The following HAUS6 variants were observed in gnomAD, a reference collection of about 807,000 sequenced individuals.
The protein encoded by HAUS6 is HAUS augmin-like complex subunit 6.
HAUS6 carries 80 observed loss-of-function variants against 106.8 expected under a neutral mutation model. The observed-to-expected ratio is 0.75, with a 90% CI of 0.63 to 0.90. The LOEUF (loss-of-function observed/expected upper bound fraction) is 0.90, where lower values mean the gene tolerates loss of function less well. HAUS6 is among the 40% of genes least tolerant of loss of function. The pLI is 0.00. For missense variants in HAUS6, 1,155 were observed against 1,118.1 expected (o/e 1.03, Z -0.47); for synonymous variants, 356 against 379.1 (o/e 0.94, Z 0.71).
At chr9:19,089,758 TTAAC>T in intron 4 of HAUS6, 199 bp from the exon 5 acceptor site, 1 of 542,120 alleles carries the variant, frequency 1.8e-6, no homozygotes, top group Non-Finnish European at 3.2e-6. Context: ...AGAAATTAAA[TTAAC>T]ATCACGTAAC....
At chr9:19,095,235 T>G (rs72696485) in intron 2 of HAUS6, among the ~76,000 whole-genome samples, 1 of 152,014 alleles carries the variant, frequency 6.6e-6, no homozygotes, top group African/African-American at 2.4e-5. Flanking sequence ...TGGTCAAAAA[T>G]ATTAGGGTTT....
rs1837319617 is a variant in HAUS6, at chr9:19,087,212, G to A, written c.585-56C>T. Reference sequence around the variant, plus strand: ...AATACCATTACGATTAATTAGTATAGCCCACTTCTCTATTTTCCCTTTGCA... The same window carrying A: ...AATACCATTACGATTAATTAGTATAACCCACTTCTCTATTTTCCCTTTGCA... On this transcript the variant is annotated intron_variant, in intron 5 of 16. Coordinates refer to ENST00000380502, the MANE Select transcript of HAUS6 (RefSeq NM_017645.5). The A allele has an allele frequency of 1.5e-5, 14 of 942,666 alleles. No homozygotes were observed. The South Asian group carries it at 1.9e-4, about 13-fold the overall frequency. 58.4% of individuals were successfully genotyped at this position (942,666 alleles called of 1,614,324 possible).
At chr9:19,076,384 T>G (rs577600268) in intron 11 of HAUS6, among the ~76,000 whole-genome samples, 1 of 151,872 alleles carries the variant, frequency 6.6e-6, no homozygotes. Context: ...GTTCAAGAAC[T>G]AGATAGTGAT....
intron 9 of HAUS6, among the ~76,000 whole-genome samples, chr9:19,079,072 G>C (rs181801629): frequency 9.5e-5 from 14 of 148,038 alleles, no homozygotes; most frequent in African/African-American, 3.2e-4. Flanking sequence ...GCTGAGGCAG[G>C]AGAATCACTT....
chr9:19,092,303 A>C lies in HAUS6; in HGVS notation c.436+868T>G, dbSNP rs555412033. ...GTAACCCTGGTATTAAAAAAAAAAA[A>C]CAACAACAAAAGGCCTGGTGTGGTG... On this transcript the variant is annotated intron_variant, in intron 4 of 16. Coordinates refer to ENST00000380502, the MANE Select transcript of HAUS6 (RefSeq NM_017645.5). Among the ~76,000 whole-genome samples, 473 of 145,406 alleles carry C rather than the reference A, an allele frequency of 3.3e-3. 3 individuals are homozygous for C. The highest frequency in any genetic ancestry group is 0.011 in the African/African-American group (452 of 40,258).
At position 19,091,113 on chromosome 9, in the gene HAUS6, A is replaced by T. The variant is rs568936895; in HGVS notation, c.437-1554T>A. Among the ~76,000 whole-genome samples, 520 of 152,122 alleles carry T rather than the reference A, an allele frequency of 3.4e-3. 9 individuals are homozygous for T. The South Asian group carries it at 0.057, about 17-fold the overall frequency. On this transcript the variant is annotated intron_variant, in intron 4 of 16. Coordinates refer to ENST00000380502, the MANE Select transcript of HAUS6 (RefSeq NM_017645.5). ...CAGGAGTTCGAGACCAGCCTGGCCA[A>T]CATAATGATACCCCATCTATACTAA... is the stretch of plus-strand genomic sequence containing the variant.
At chr9:19,074,632 G>C (rs909806967) in intron 11 of HAUS6, among the ~76,000 whole-genome samples, 5 of 151,950 alleles carry the variant, frequency 3.3e-5, no homozygotes, top group Non-Finnish European at 7.3e-5. Flanking sequence ...TTGCTCTCTG[G>C]TCTATAATCT....
At chr9:19,093,634 C>T (rs551915806) in intron 3 of HAUS6, among the ~76,000 whole-genome samples, 46 of 152,074 alleles carry the variant, frequency 3.0e-4, no homozygotes, top group African/African-American at 8.5e-4. Flanking sequence ...TTTGGGAGGC[C>T]GAGGCAGACG....
At chr9:19,094,722 T>TG (rs1300788497) in intron 2 of HAUS6, among the ~76,000 whole-genome samples, 4 of 151,772 alleles carry the variant, frequency 2.6e-5, no homozygotes. Context: ...ACCCAGGAGA[T>TG]GGAGTCTGCA....
chr9:19,087,419 T>A (rs1323134773), intron 5 of HAUS6, among the ~76,000 whole-genome samples: 1 of 152,148 alleles, frequency 6.6e-6, no homozygotes, highest in Non-Finnish European at 1.5e-5. Flanking sequence ...CTTATCCTCA[T>A]CTCACATACC....
At chr9:19,095,504 C>CAAA (rs35289506) in intron 2 of HAUS6, among the ~76,000 whole-genome samples, 2 of 136,572 alleles carry the variant, frequency 1.5e-5, no homozygotes, top group Non-Finnish European at 1.6e-5. Context: ...TGATAATCAG[C>CAAA]AAAAAAAAAA....
chr9:19,095,863 G>C (rs1284687904), intron 2 of HAUS6, among the ~76,000 whole-genome samples: 1 of 152,074 alleles, frequency 6.6e-6, no homozygotes, highest in Non-Finnish European at 1.5e-5. Flanking sequence ...GCATATAACA[G>C]TAGAGTAAAT....
At chr9:19,084,370 T>A (rs1016515156) in intron 7 of HAUS6, among the ~76,000 whole-genome samples, 2 of 152,172 alleles carry the variant, frequency 1.3e-5, no homozygotes. Flanking sequence ...GCAAACAGTG[T>A]AAACTAAACA....
chr9:19,076,995 C>T (rs1264619063), intron 10 of HAUS6, among the ~76,000 whole-genome samples: 1 of 152,048 alleles, frequency 6.6e-6, no homozygotes, highest in Non-Finnish European at 1.5e-5. Context: ...AGAGACACAC[C>T]ACAACACCCA....
At chr9:19,075,525 C>T (rs537296240) in intron 11 of HAUS6, among the ~76,000 whole-genome samples, 2 of 151,314 alleles carry the variant, frequency 1.3e-5, no homozygotes, top group East Asian at 3.9e-4. Flanking sequence ...AGGAGAATTG[C>T]TTGGAATCAG....
intron 4 of HAUS6, 138 bp from the exon 5 acceptor site, chr9:19,089,697 A>G (rs1446898617): frequency 1.8e-6 from 1 of 564,322 alleles, no homozygotes; most frequent in Non-Finnish European, 3.0e-6. Context: ...TAAAAAAAGG[A>G]AAACAGACTT....
At chr9:19,073,560 C>G (rs1327660307) in intron 11 of HAUS6, among the ~76,000 whole-genome samples, 1 of 151,432 alleles carries the variant, frequency 6.6e-6, no homozygotes, top group Non-Finnish European at 1.5e-5. Context: ...GTAAACTAAT[C>G]CTGGCAAGAG....
intron 4 of HAUS6, among the ~76,000 whole-genome samples, chr9:19,090,795 G>A (rs975520875): frequency 4.6e-5 from 7 of 152,146 alleles, no homozygotes; most frequent in Non-Finnish European, 1.0e-4. Context: ...TAAAACCACT[G>A]TTCATTTCTC....
intron 1 of HAUS6, among the ~76,000 whole-genome samples, chr9:19,100,126 G>A (rs544027236): frequency 7.9e-5 from 12 of 152,340 alleles, no homozygotes; most frequent in African/African-American, 1.2e-4. Flanking sequence ...CCAGGGAGGC[G>A]GGGGTTGCAG....
Sources: allele counts gnomAD v4.1 joint callset (sites outside exome capture counted in the v4.1 genomes callset), GRCh38; gene constraint gnomAD v4.1.1; transcripts MANE v1.5; gene names NCBI Gene and HGNC (gene_info 2026-07-23, HGNC 2026-07-21).